The following GPHN variants were observed in gnomAD, a reference collection of about 807,000 sequenced individuals.
GPHN encodes the protein gephyrin.
GPHN carries 17 observed loss-of-function variants against 95.5 expected under a neutral mutation model. The observed-to-expected ratio is 0.18, with a 90% CI of 0.12 to 0.27. The LOEUF is 0.27. GPHN is among the 10% of genes least tolerant of loss of function. The probability of loss-of-function intolerance (pLI) is 1.00; values close to 1 mark genes in which losing one functional copy is unlikely to be tolerated. For synonymous variants in GPHN, 320 were observed against 322.5 expected, an observed-to-expected ratio of 0.99 and a Z score of 0.08; for missense variants, 660 against 978.1, an observed-to-expected ratio of 0.67 and a Z score of 4.34.
chr14:66,812,089 C>T (rs377651130), intron 3 of GPHN, among the ~76,000 whole-genome samples: 1 of 152,112 alleles, frequency 6.6e-6, no homozygotes, highest in Admixed American at 6.5e-5. Flanking sequence ...ACTATAGCTA[C>T]ATTAAAGTAA....
At chr14:67,382,406 G>C in the GPHN span, 10 of 1,570,966 alleles carry the variant, frequency 6.4e-6, no homozygotes, top group Admixed American at 5.2e-5. Context: ...TGTGGGTTCT[G>C]TAGGTACATT....
At chr14:67,707,772 T>C in the GPHN span, among the ~76,000 whole-genome samples, 2 of 152,238 alleles carry the variant, frequency 1.3e-5, no homozygotes, top group East Asian at 3.8e-4. Context: ...CAAATACCTA[T>C]GAATTGAGTT....
intron 6 of GPHN, among the ~76,000 whole-genome samples, chr14:66,916,481 T>G (rs1442643101): frequency 1.2e-3 from 176 of 151,026 alleles, no homozygotes; most frequent in Non-Finnish European, 2.0e-3. Flanking sequence ...GTCCAGAGTT[T>G]TTTTTTTTTT....
intron 8 of GPHN, among the ~76,000 whole-genome samples, chr14:66,952,867 T>G (rs935964064): frequency 6.6e-6 from 1 of 152,024 alleles, no homozygotes; most frequent in Non-Finnish European, 1.5e-5. Flanking sequence ...ACTAATTTTT[T>G]GTATTTTTAG....
the GPHN span, chr14:67,656,430 G>C: frequency 6.2e-7 from 1 of 1,612,088 alleles, no homozygotes; most frequent in Non-Finnish European, 8.5e-7. Context: ...CTCTTGGTAC[G>C]TTCTAACTGG....
chr14:67,376,735 T>C, the GPHN span: 1 of 731,692 alleles, frequency 1.4e-6, no homozygotes, highest in South Asian at 2.0e-5. Flanking sequence ...CAATCCTATA[T>C]GGTCAAGTCT....
chr14:66,809,307 C>T (rs1173344924), intron 3 of GPHN, among the ~76,000 whole-genome samples: 1 of 151,962 alleles, frequency 6.6e-6, no homozygotes, highest in African/African-American at 2.4e-5. Context: ...AGGCTCTGCT[C>T]CTTAATAGGA....
At chr14:67,470,703 T>C in the GPHN span, 2 of 152,706 alleles carry the variant, frequency 1.3e-5, no homozygotes, top group Non-Finnish European at 2.9e-5. Flanking sequence ...GCATAGGCCA[T>C]TGTGACTCAC....
intron 2 of GPHN, among the ~76,000 whole-genome samples, chr14:66,759,189 C>A (rs1046594131): frequency 7.9e-5 from 12 of 152,160 alleles, no homozygotes; most frequent in African/African-American, 2.9e-4. Flanking sequence ...GGGTTTCTAC[C>A]CTCAAATGCC....
the GPHN span, among the ~76,000 whole-genome samples, chr14:67,422,514 A>G: frequency 3.9e-5 from 6 of 152,244 alleles, no homozygotes; most frequent in Non-Finnish European, 8.8e-5. Flanking sequence ...CATGGGCTGA[A>G]TAAGTTAAAT....
Position 66,842,633 on chromosome 14 carries a change from A to C in GPHN, c.294+18067A>C, listed in dbSNP as rs998732427. 33 of 1,468,448 alleles carry C rather than the reference A, an allele frequency of 2.2e-5. No homozygotes were observed. The African/African-American group carries it at 4.0e-4, about 18-fold the overall frequency. 91.0% of individuals were successfully genotyped at this position (1,468,448 alleles called of 1,614,324 possible). A position where few individuals can be genotyped will look rare whatever the true frequency, so the allele number is the denominator to read the frequency against. Reference sequence around the variant, plus strand: ...CCTAAATTTGACCTGCTTTCCTCAAACTGGGAGTCAGAAATCCCTTTTCTC... The same window carrying C: ...CCTAAATTTGACCTGCTTTCCTCAACCTGGGAGTCAGAAATCCCTTTTCTC... On this transcript the variant is annotated intron_variant, in intron 4 of 22. Coordinates refer to ENST00000478722, the MANE Select transcript of GPHN (RefSeq NM_020806.5).
chr14:66,807,306 A>G (rs2060584524), intron 3 of GPHN, among the ~76,000 whole-genome samples: 1 of 152,186 alleles, frequency 6.6e-6, no homozygotes, highest in Non-Finnish European at 1.5e-5. Context: ...TTGGGTGGGG[A>G]CACAGCCAAA....
At chr14:67,651,448 G>GATA in the GPHN span, 2 of 1,613,958 alleles carry the variant, frequency 1.2e-6, no homozygotes, top group East Asian at 4.5e-5. Context: ...CCAGTAAGAT[G>GATA]ATAATGGAAA....
At chr14:67,020,945 G>A (rs958160505) in intron 9 of GPHN, among the ~76,000 whole-genome samples, 2 of 151,846 alleles carry the variant, frequency 1.3e-5, no homozygotes, top group Non-Finnish European at 2.9e-5. Context: ...AGAAAAAAAC[G>A]AGAAGCCATA....
At chr14:67,715,896 G>A in the GPHN span, among the ~76,000 whole-genome samples, 1 of 152,188 alleles carries the variant, frequency 6.6e-6, no homozygotes, top group East Asian at 1.9e-4. Context: ...GAGCTGATGA[G>A]ATAAGAAGTT....
the GPHN span, chr14:67,619,978 A>G: frequency 1.3e-6 from 2 of 1,591,234 alleles, no homozygotes; most frequent in Non-Finnish European, 1.7e-6. Context: ...GCTGCGGATC[A>G]TGTCCCTAAG....
intron 3 of GPHN, among the ~76,000 whole-genome samples, chr14:66,792,864 TTCTATAGATATTCGATGAACTAAAAGTA>T (rs2060021223): frequency 6.6e-6 from 1 of 152,262 alleles, no homozygotes; most frequent in Non-Finnish European, 1.5e-5. Context: ...TTAGCATTGT[TTCTATAGATATTCGATGAACTAAAAGTA>T]TCCCTTATGG....
chr14:67,010,688 G>A (rs766776554), intron 9 of GPHN, among the ~76,000 whole-genome samples: 52 of 152,158 alleles, frequency 3.4e-4, no homozygotes, highest in Middle Eastern at 6.8e-3. Context: ...CATGTGGGAT[G>A]TAAGAGTTGG....
intron 2 of GPHN, among the ~76,000 whole-genome samples, chr14:66,733,585 A>T (rs1292784544): frequency 6.6e-6 from 1 of 152,186 alleles, no homozygotes; most frequent in Non-Finnish European, 1.5e-5. Flanking sequence ...TCTACTGATT[A>T]TCCACTTTAT....
Sources: gnomAD v4.1 joint callset for allele counts (sites outside exome capture counted in the v4.1 genomes callset) on GRCh38, gnomAD v4.1.1 for gene constraint, MANE v1.5 for transcripts, NCBI Gene and HGNC (gene_info 2026-07-23, HGNC 2026-07-21) for gene names.